SZT2: variants seen among roughly 807,000 people sequenced by gnomAD.
The protein encoded by SZT2 is KICSTOR complex protein SZT2.
In SZT2, 216 loss-of-function variants were observed where a neutral mutation model predicts 404.2. That is an observed-to-expected ratio of 0.53 (90% CI 0.48 to 0.60). SZT2 has a LOEUF of 0.60. Among genes scored for constraint, SZT2 ranks in the 20% least tolerant of loss-of-function variants. The pLI, the probability that SZT2 is intolerant of heterozygous loss-of-function variation, is 0.00. For missense variants in SZT2, 3,857 were observed against 4,459.2 expected (o/e 0.86, Z 3.85); for synonymous variants, 1,693 against 1,749.9 (o/e 0.97, Z 0.81).
rs1656668697 is a variant in SZT2 at position 43,453,441 on chromosome 1, AGGCCGCCTGTCTCCCG to A, written c.*2964_*2979del. On this transcript the variant is annotated 3_prime_UTR_variant, in exon 72 of 72. Transcript: ENST00000634258. ...ACGGCCTGCTCCAGTCCCTCTCGGAAGGCCGCCTGTCTCCCGGGGACGGCCCCCAGCCCCATTTCCC... is the reference window on the plus strand; with the variant it reads ...ACGGCCTGCTCCAGTCCCTCTCGGAAGGGACGGCCCCCAGCCCCATTTCCC... 1 of 1,563,992 alleles carries A rather than the reference AGGCCGCCTGTCTCCCG, an allele frequency of 6.4e-7. No individual in the cohort carries two copies. The highest frequency in any genetic ancestry group is 1.8e-5 in the Admixed American group (1 of 55,200).
rs768721620 is a variant in SZT2 at position 43,427,628 on chromosome 1, C to T, written c.3697C>T (p.Pro1233Ser). 1 of 1,614,220 alleles carries T rather than the reference C, an allele frequency of 6.2e-7. No homozygotes were observed. Among genetic ancestry groups the T allele is most frequent in the Non-Finnish European group, 8.5e-7 (1 of 1,180,046 alleles). ...QASQTESADGPRTRCPVYIYS... is the reference protein window; with the variant it reads ...QASQTESADGSRTRCPVYIYS... ...TTCCCAGACAGAGAGTGCGGATGGG[C>T]CCCGGACCCGGTGTCCTGTCTACAT... is the stretch of plus-strand genomic sequence containing the variant. The change falls in exon 26 of 72, where the codon CCC (proline) becomes TCC (serine). Residue 1233 changes from proline (P) to serine (S), a missense_variant. By Grantham distance (74) the Pro-to-Ser change is moderately conservative. Transcript: ENST00000634258.
chr1:43,434,368 A>G lies in SZT2; in HGVS notation c.5805-18A>G. On this transcript the variant is annotated intron_variant, in intron 40 of 71. Transcript: ENST00000634258. ...TCCTCCCCACTGCAGTTCTGGTCAG[A>G]TTATCCTTCCTTCCCAGGAGCCTGA... The G allele has an allele frequency of 6.3e-7, 1 of 1,578,798 alleles. No individual in the cohort carries two copies.
rs1652787481 is a variant in SZT2 at position 43,423,825 on chromosome 1, A to G, written c.2256-392A>G. Among the ~76,000 whole-genome samples, 3 of 149,428 alleles carry G rather than the reference A, an allele frequency of 2.0e-5. No homozygotes were observed. In the South Asian group the frequency reaches 6.4e-4, roughly 32 times the overall value. On this transcript the variant is annotated intron_variant, in intron 15 of 71. Coordinates refer to ENST00000634258, the MANE Select transcript of SZT2 (RefSeq NM_001365999.1). ...GGTATGAGTGATACAGAGGTATGGA[A>G]GGGCGTGGCTTAGCGAGGTATGAGT...
intron 62 of SZT2, among the ~76,000 whole-genome samples, chr1:43,445,048 A>G (rs1570729114): frequency 6.6e-6 from 1 of 151,966 alleles, no homozygotes; most frequent in African/African-American, 2.4e-5. Context: ...GGCCCCTCCT[A>G]CCCTGGGGAG....
rs771017174 is a variant in SZT2, at chr1:43,451,190, AT to A, written c.*711del. ...GGTCATCTTTAATGCAGAGGAGGAG[AT>A]GGGATGTCACTCGCTGTCTGGAGGC... On this transcript the variant is annotated 3_prime_UTR_variant, in exon 72 of 72. Transcript: ENST00000634258. 6 of 1,524,124 alleles carry A rather than the reference AT, an allele frequency of 3.9e-6. No individual in the cohort carries two copies. In the Admixed American group the frequency reaches 6.7e-5, roughly 17 times the overall value. 94.4% of individuals were successfully genotyped at this position (1,524,124 alleles called of 1,614,324 possible).
At position 43,423,220 on chromosome 1, in the gene SZT2, C is replaced by A; in HGVS notation, c.2159C>A (p.Pro720His). 6.3e-7 allele frequency: 1 copy of A among 1,595,946 alleles called. No homozygotes were observed. The highest frequency in any genetic ancestry group is 8.5e-7 in the Non-Finnish European group (1 of 1,178,376). Residue 720 changes from proline (P) to histidine (H), a missense_variant, in exon 15 of 72, where the codon CCC (proline) becomes CAC (histidine). By Grantham distance (77) the Pro-to-His change is moderately conservative (BLOSUM62 -2). Transcript: ENST00000634258. ...GLGGAGGGSS[P>H]SKSPPVLGPQ... ...GGGGGTGCTGGTGGGGGCAGCTCTC[C>A]CTCCAAGTCACCCCCCGTGCTGGGG...
chr1:43,443,580 G>C lies in SZT2; in HGVS notation c.8626-17G>C, dbSNP rs754175557. On this transcript the variant is annotated splice_polypyrimidine_tract_variant and intron_variant, in intron 61 of 71. Coordinates refer to ENST00000634258, the MANE Select transcript of SZT2 (RefSeq NM_001365999.1). ...GTTGACAGTGGGGAGAGTCTTCCTTGATCTTTACTCTCATAGCGGCGCCAT... is the reference window on the plus strand; with the variant it reads ...GTTGACAGTGGGGAGAGTCTTCCTTCATCTTTACTCTCATAGCGGCGCCAT... The C allele has an allele frequency of 6.2e-7, 1 of 1,613,842 alleles. No individual in the cohort carries two copies. Among genetic ancestry groups the C allele is most frequent in the Non-Finnish European group, 8.5e-7 (1 of 1,180,016 alleles).
Position 43,416,081 on chromosome 1 carries a change from T to C in SZT2, c.752T>C (p.Leu251Pro), listed in dbSNP as rs533451936. ...IRQGILALQLLPSNSSAGIIV... is the reference protein window; with the variant it reads ...IRQGILALQLPPSNSSAGIIV... Reference sequence around the variant, plus strand: ...CAGGGCATCTTGGCACTGCAGTTACTACCCTCGAACTCTAGTGCAGGTCAG... The same window carrying C: ...CAGGGCATCTTGGCACTGCAGTTACCACCCTCGAACTCTAGTGCAGGTCAG... The change falls in exon 6 of 72, where the codon CTA becomes CCA. Residue 251 changes from leucine (L) to proline (P), a missense_variant. Transcript: ENST00000634258. 1.3e-6 allele frequency: 2 copies of C among 1,598,388 alleles called. No individual in the cohort carries two copies. The highest frequency in any genetic ancestry group is 1.1e-5 in the South Asian group (1 of 91,072).
chr1:43,389,983 C>T lies in SZT2; in HGVS notation c.15C>T (p.Arg5=). The change falls in exon 1 of 72, where the codon CGC becomes CGT. Residue 5 remains arginine (R), a synonymous_variant. Transcript: ENST00000634258. MASE[R]PEPEVEEAGQ... is the part of the protein sequence containing the mutation. Reference sequence around the variant, plus strand: ...AGGGCTGTGTGATGGCCTCGGAGCGCCCGGAGCCGGAGGTGAGGGGCGGGC... The same window carrying T: ...AGGGCTGTGTGATGGCCTCGGAGCGTCCGGAGCCGGAGGTGAGGGGCGGGC... 2 of 1,397,668 alleles carry T rather than the reference C, an allele frequency of 1.4e-6. No individual in the cohort carries two copies. Among genetic ancestry groups the T allele is most frequent in the Non-Finnish European group, 1.9e-6 (2 of 1,078,950 alleles). 86.6% of individuals were successfully genotyped at this position (1,397,668 alleles called of 1,614,324 possible). A position where few individuals can be genotyped will look rare whatever the true frequency, so the allele number is the denominator to read the frequency against.
chr1:43,391,254 C>T (rs978823290), intron 1 of SZT2, among the ~76,000 whole-genome samples: 4 of 151,288 alleles, frequency 2.6e-5, no homozygotes, highest in African/African-American at 7.3e-5. Flanking sequence ...GTGGAGGTTG[C>T]GATGAGCTGA....
intron 1 of SZT2, among the ~76,000 whole-genome samples, chr1:43,398,932 T>C (rs1372558162): frequency 1.3e-5 from 2 of 151,908 alleles, no homozygotes; most frequent in Non-Finnish European, 2.9e-5. Context: ...ATACAAAAAA[T>C]AGCCAGGCAT....
chr1:43,453,814 G>A lies in SZT2; in HGVS notation c.*3334G>A. On this transcript the variant is annotated 3_prime_UTR_variant, in exon 72 of 72. Coordinates refer to ENST00000634258, the MANE Select transcript of SZT2 (RefSeq NM_001365999.1). ...GCCATGCCTGGGGAGGCCGGGCCGG[G>A]CGGAGTCCGCGGGATCCAAAGGCGG... 1 of 1,245,456 alleles carries A rather than the reference G, an allele frequency of 8.0e-7. No homozygotes were observed. Among genetic ancestry groups the A allele is most frequent in the African/African-American group, 1.6e-5 (1 of 63,904 alleles). 77.2% of individuals were successfully genotyped at this position (1,245,456 alleles called of 1,614,324 possible). A position where few individuals can be genotyped will look rare whatever the true frequency, so the allele number is the denominator to read the frequency against.
rs1236548784 is a variant in SZT2 at position 43,442,172 on chromosome 1, G to T, written c.7873+42G>T. On this transcript the variant is annotated intron_variant, in intron 56 of 71. Coordinates refer to ENST00000634258, the MANE Select transcript of SZT2 (RefSeq NM_001365999.1). This position sits in a 1 kb window ranked among gnomAD's most constrained non-coding sequence, Gnocchi z 4.5. The stretch of plus-strand genomic sequence containing the variant: ...GGGGGGCGGGGGGCGGGTAGGCTAA[G>T]AGTAACTGGTGGGGTCTCCAACCTT... 4 of 1,604,712 alleles carry T rather than the reference G, an allele frequency of 2.5e-6. No homozygotes were observed. In the East Asian group the frequency reaches 6.7e-5, roughly 27 times the overall value.
In SZT2 at chr1:43,448,304, T is replaced by C; in HGVS notation, c.9789T>C (p.Ala3263=). The change falls in exon 69 of 72, where the codon GCT becomes GCC. Residue 3263 remains alanine (A), a synonymous_variant. Transcript: ENST00000634258. This position sits in a 1 kb window ranked among gnomAD's most constrained non-coding sequence, Gnocchi z 4.2. ...TGGGCATGGCACGAGCACGGCTGGC[T>C]CAGCTGGTGCGGCTGGCTGGAGGGC... ...AEVGMARARL[A]QLVRLAGGHC... 4 of 1,555,288 alleles carry C rather than the reference T, an allele frequency of 2.6e-6. No individual in the cohort carries two copies. The highest frequency in any genetic ancestry group is 3.5e-6 in the Non-Finnish European group (4 of 1,149,760).
rs1357438450 is a variant in SZT2, at chr1:43,415,209, G to A, written c.626G>A (p.Ser209Asn). ...TMLQQQYDPQ[S>N]QAEDQSPDSG... ...CTGCAGCAGCAGTACGATCCCCAGAGCCAGGTATGTAAGAGAGAAAGTGGG... is the reference window on the plus strand; with the variant it reads ...CTGCAGCAGCAGTACGATCCCCAGAACCAGGTATGTAAGAGAGAAAGTGGG... Residue 209 changes from serine to asparagine, a missense_variant, in exon 5 of 72, where the codon AGC (serine) becomes AAC (asparagine). This residue lies in a region of SZT2 where 536 missense variants were observed against 637.4 expected (regional missense o/e 0.84). Transcript: ENST00000634258. 6.3e-7 allele frequency: 1 copy of A among 1,597,710 alleles called. No individual in the cohort carries two copies.
At chr1:43,396,122 T>C (rs926811425) in intron 1 of SZT2, among the ~76,000 whole-genome samples, 2 of 152,244 alleles carry the variant, frequency 1.3e-5, no homozygotes, top group African/African-American at 4.8e-5. Flanking sequence ...AATCTGAATC[T>C]GTGACCTCAT....
intron 66 of SZT2, 93 bp from the exon 67 acceptor site, chr1:43,447,452 C>T: frequency 6.6e-7 from 1 of 1,510,758 alleles, no homozygotes; most frequent in Non-Finnish European, 8.9e-7. Flanking sequence ...GCCTGCCAGT[C>T]AGAGCCTTAA....
At position 43,424,091 on chromosome 1, in the gene SZT2, C is replaced by T. The variant is rs574481332; in HGVS notation, c.2256-126C>T. ...GAGGTGTGGAAGGGCGTGGCTTAGC[C>T]GGGTATCAGTGGTACAGAGGTGTGG... On this transcript the variant is annotated intron_variant, in intron 15 of 71. Coordinates refer to ENST00000634258, the MANE Select transcript of SZT2 (RefSeq NM_001365999.1). The surrounding 1 kb of genome is among the most constrained non-coding windows in gnomAD (Gnocchi z 4.1). 3 of 764,640 alleles carry T rather than the reference C, an allele frequency of 3.9e-6. No individual in the cohort carries two copies. In the African/African-American group the frequency reaches 5.8e-5, roughly 15 times the overall value. The allele number at this position is 764,640 out of a possible 1,614,324, so 47.4% of individuals were successfully genotyped here.
intron 1 of SZT2, chr1:43,394,121 G>A (rs1324585670): frequency 1.0e-6 from 1 of 980,356 alleles, no homozygotes; most frequent in African/African-American, 1.8e-5. Flanking sequence ...GATGCTCTGA[G>A]AACTAATTCA....
Sources: gnomAD v4.1 joint callset for allele counts (sites outside exome capture counted in the v4.1 genomes callset) on GRCh38, gnomAD v4.1.1 for gene constraint, gnomAD v4.1.1 regional missense constraint, Gnocchi (gnomAD v3.1) non-coding constraint, MANE v1.5 for transcripts, NCBI Gene and HGNC (gene_info 2026-07-23, HGNC 2026-07-21) for gene names.